Variants in DSC2 observed in about 807,000 individuals in gnomAD.
DSC2 encodes the protein desmocollin-2.
A neutral mutation model predicts 87.6 loss-of-function variants in DSC2; 51 were observed. The ratio of observed to expected loss-of-function variants is 0.58; its 90% CI spans 0.46 to 0.74. DSC2 has a LOEUF of 0.74. Ranked by LOEUF, DSC2 falls within the 30% of genes least tolerant of loss-of-function variation. DSC2 has a pLI of 0.00. For missense variants in DSC2, 1,066 were observed against 1,089.5 expected (o/e 0.98, Z 0.30); for synonymous variants, 383 against 393.2 (o/e 0.97, Z 0.31).
rs555492553 is a variant in DSC2, at chr18:31,068,030, T to C, written c.2691A>G (p.Ala897=). Residue 897 remains alanine (A), a synonymous_variant, in exon 16 of 16, where the codon GCA becomes GCG. Coordinates refer to ENST00000280904, the MANE Select transcript of DSC2 (RefSeq NM_024422.6). ...LEPKFRTLAE[A]CMKR Reference sequence around the variant, plus strand: ...TAGAACACACTCATCTCTTCATGCATGCTTCTGCTAGTGTCCTAAATTTGG... The same window carrying C: ...TAGAACACACTCATCTCTTCATGCACGCTTCTGCTAGTGTCCTAAATTTGG... The C allele has an allele frequency of 3.7e-6, 6 of 1,613,670 alleles. No homozygotes were observed. In the East Asian group the frequency reaches 8.9e-5, roughly 24 times the overall value.
chr18:31,097,627 G>A (rs559992903), intron 1 of DSC2, among the ~76,000 whole-genome samples: 4 of 151,886 alleles, frequency 2.6e-5, no homozygotes, highest in African/African-American at 9.7e-5. Context: ...AACCCTAGCA[G>A]ATATTACAAA....
chr18:31,082,865 T>C, intron 8 of DSC2, 61 bp downstream of exon 8: 3 of 1,579,736 alleles, frequency 1.9e-6, no homozygotes, highest in Non-Finnish European at 2.6e-6. Context: ...GCCAGAGATG[T>C]GCATATTAAA....
intron 1 of DSC2, among the ~76,000 whole-genome samples, chr18:31,097,935 A>T (rs937456374): frequency 6.6e-6 from 1 of 152,194 alleles, no homozygotes; most frequent in Non-Finnish European, 1.5e-5. Flanking sequence ...ATATTTTTAT[A>T]ACTTAAGAGC....
intron 7 of DSC2, among the ~76,000 whole-genome samples, chr18:31,084,357 T>C (rs1338936106): frequency 3.9e-5 from 6 of 152,284 alleles, no homozygotes; most frequent in Admixed American, 3.3e-4. Flanking sequence ...ATTTTGTTTG[T>C]AGTGAACTAA....
rs780701595 is a variant in DSC2 at position 31,059,361 on chromosome 18, G to C, written c.*8654C>G. ...ACAAATTACTGACGACAAATCCTAA[G>C]TGCGTTAAAGTAAAATTTTAAGACC... is the stretch of plus-strand genomic sequence containing the variant. On this transcript the variant is annotated 3_prime_UTR_variant, in exon 16 of 16. Transcript: ENST00000280904. 2.6e-5 allele frequency: 4 copies of C among 152,138 alleles called. No homozygotes were observed. The highest frequency in any genetic ancestry group is 5.9e-5 in the Non-Finnish European group (4 of 68,030). 9.4% of individuals were successfully genotyped at this position (152,138 alleles called of 1,614,324 possible). A position where few individuals can be genotyped will look rare whatever the true frequency, so the allele number is the denominator to read the frequency against.
In DSC2 at chr18:31,064,679, G is replaced by A. The variant is rs1986572260; in HGVS notation, c.*3336C>T. 6.6e-6 allele frequency: 1 copy of A among 152,178 alleles called. No homozygotes were observed. Among genetic ancestry groups the A allele is most frequent in the African/African-American group, 2.4e-5 (1 of 41,446 alleles). The allele number at this position is 152,178 out of a possible 1,614,324, so 9.4% of individuals were successfully genotyped here. Reference sequence around the variant, plus strand: ...TCGCAGGGGAGCTGATATAAGAGCTGTAGGTTTATACGGATATCAGGTAAC... The same window carrying A: ...TCGCAGGGGAGCTGATATAAGAGCTATAGGTTTATACGGATATCAGGTAAC... On this transcript the variant is annotated 3_prime_UTR_variant, in exon 16 of 16. Coordinates refer to ENST00000280904, the MANE Select transcript of DSC2 (RefSeq NM_024422.6).
At chr18:31,081,161 G>C (rs1030171765) in intron 9 of DSC2, among the ~76,000 whole-genome samples, 1 of 152,082 alleles carries the variant, frequency 6.6e-6, no homozygotes, top group Non-Finnish European at 1.5e-5. Flanking sequence ...ATTTGTACCT[G>C]GTATGAGGAA....
intron 15 of DSC2, 148 bp downstream of exon 15, chr18:31,068,744 CTA>C: frequency 6.3e-6 from 7 of 1,103,546 alleles, no homozygotes; most frequent in Non-Finnish European, 9.1e-6. Context: ...CTGAACATAA[CTA>C]AATTAAAATT....
chr18:31,067,951 T>C lies in DSC2; in HGVS notation c.*64A>G. The C allele has an allele frequency of 6.7e-7, 1 of 1,502,754 alleles. No individual in the cohort carries two copies. 93.1% of individuals were successfully genotyped at this position (1,502,754 alleles called of 1,614,324 possible). On this transcript the variant is annotated 3_prime_UTR_variant, in exon 16 of 16. Transcript: ENST00000280904. ...TAGCATCTTCTGCTTTAAAAAATTC[T>C]TGGTTTGTAATTTTTTTTAAAAGTC...
At position 31,058,923 on chromosome 18, in the gene DSC2, A is replaced by G. The variant is rs1369778484; in HGVS notation, c.*9092T>C. On this transcript the variant is annotated 3_prime_UTR_variant, in exon 16 of 16. Coordinates refer to ENST00000280904, the MANE Select transcript of DSC2 (RefSeq NM_024422.6). ...CTACATATTTTTGAGAGCAGAGGCC[A>G]TATCTTACATACAGTAGATACCAAA... 1 of 152,196 alleles carries G rather than the reference A, an allele frequency of 6.6e-6. No individual in the cohort carries two copies. The highest frequency in any genetic ancestry group is 1.5e-5 in the Non-Finnish European group (1 of 68,026). 9.4% of individuals were successfully genotyped at this position (152,196 alleles called of 1,614,324 possible). A position where few individuals can be genotyped will look rare whatever the true frequency, so the allele number is the denominator to read the frequency against.
intron 3 of DSC2, 60 bp downstream of exon 3, chr18:31,092,041 G>A: frequency 6.6e-7 from 1 of 1,515,376 alleles, no homozygotes; most frequent in Non-Finnish European, 9.1e-7. Flanking sequence ...ATCTTCCCTG[G>A]TAATGTTGAT....
At position 31,074,579 on chromosome 18, in the gene DSC2, G is replaced by A. The variant is rs1013062500; in HGVS notation, c.1888+104C>T. 1.5e-5 allele frequency: 16 copies of A among 1,060,542 alleles called. No homozygotes were observed. In the Admixed American group the frequency reaches 2.4e-4, roughly 16 times the overall value. The allele number at this position is 1,060,542 out of a possible 1,614,324, so 65.7% of individuals were successfully genotyped here. A position where few individuals can be genotyped will look rare whatever the true frequency, so the allele number is the denominator to read the frequency against. On this transcript the variant is annotated intron_variant, in intron 12 of 15. Transcript: ENST00000280904. ...CACAAAAACTGAGAAACTTTCATTG[G>A]TGTTTCCCACATGGTGAATTTTCTC...
rs1256970932 is a variant in DSC2, at chr18:31,061,086, G to A, written c.*6929C>T. 2.6e-5 allele frequency: 4 copies of A among 152,148 alleles called. No individual in the cohort carries two copies. The highest frequency in any genetic ancestry group is 9.7e-5 in the African/African-American group (4 of 41,436). The allele number at this position is 152,148 out of a possible 1,614,324, so 9.4% of individuals were successfully genotyped here. On this transcript the variant is annotated 3_prime_UTR_variant, in exon 16 of 16. Coordinates refer to ENST00000280904, the MANE Select transcript of DSC2 (RefSeq NM_024422.6). ...AGGCTTCTATACTTTTCCCCTACTA[G>A]CCTGTTACTCCTGTGACTGATTCAT... is the stretch of plus-strand genomic sequence containing the variant.
In DSC2 at chr18:31,092,267, A is replaced by G; in HGVS notation, c.188T>C (p.Leu63Pro). The part of the protein sequence containing the change: ...NLKECFTAAN[L>P]IHSSDPDFQI... Reference sequence around the variant, plus strand: ...GAAGTCAGGATCACTTGAATGAATTAGATTTGCAGCTGTAAAGCACTCTTT... The same window carrying G: ...GAAGTCAGGATCACTTGAATGAATTGGATTTGCAGCTGTAAAGCACTCTTT... Residue 63 changes from leucine to proline, a missense_variant, in exon 3 of 16, where the codon CTA (leucine) becomes CCA (proline). By Grantham distance (98) the Leu-to-Pro change is moderately conservative (BLOSUM62 -3). Transcript: ENST00000280904. The G allele has an allele frequency of 6.2e-7, 1 of 1,613,782 alleles. No homozygotes were observed. The highest frequency in any genetic ancestry group is 1.1e-5 in the South Asian group (1 of 91,072).
At chr18:31,068,417 A>T in intron 15 of DSC2, 1 of 1,476,952 alleles carries the variant, frequency 6.8e-7, no homozygotes, top group Non-Finnish European at 9.5e-7. Context: ...CATGTTTCTA[A>T]AAGTCACGCA....
chr18:31,071,530 C>A, intron 13 of DSC2, 75 bp downstream of exon 13: 1 of 1,409,068 alleles, frequency 7.1e-7, no homozygotes, highest in South Asian at 1.2e-5. Context: ...TGGGCTCTGT[C>A]TCAAAAAACA....
At position 31,080,346 on chromosome 18, in the gene DSC2, T is replaced by C. The variant is rs766815960; in HGVS notation, c.1270A>G (p.Asn424Asp). Residue 424 changes from asparagine (N) to aspartate (D), a missense_variant, in exon 10 of 16, where the codon AAT becomes GAT. Asn to Asp is a conservative substitution (Grantham distance 23). Coordinates refer to ENST00000280904, the MANE Select transcript of DSC2 (RefSeq NM_024422.6). Reference protein sequence around the residue: ...EGVLCVVKPLNYEEKQQMILQ... With the variant: ...EGVLCVVKPLDYEEKQQMILQ... ...ATCATCTGTTGCTTTTCTTCATAAT[T>C]CAAAGGCTACGAAAGCAAATGTATT... 6.2e-7 allele frequency: 1 copy of C among 1,613,770 alleles called. No individual in the cohort carries two copies. Among genetic ancestry groups the C allele is most frequent in the East Asian group, 2.2e-5 (1 of 44,862 alleles).
Position 31,086,712 on chromosome 18 carries a change from T to A in DSC2, c.806A>T (p.Asp269Val). 6.2e-7 allele frequency: 1 copy of A among 1,614,092 alleles called. No homozygotes were observed. Among genetic ancestry groups the A allele is most frequent in the Non-Finnish European group, 8.5e-7 (1 of 1,180,010 alleles). The change falls in exon 7 of 16, where the codon GAC (aspartate) becomes GTC (valine). Residue 269 changes from aspartate (D) to valine (V), a missense_variant. Asp to Val is a radical substitution (Grantham distance 152, BLOSUM62 -3). Coordinates refer to ENST00000280904, the MANE Select transcript of DSC2 (RefSeq NM_024422.6). Reference protein sequence around the residue: ...GTTVGQVCATDKDEPDTMHTR... With the variant: ...GTTVGQVCATVKDEPDTMHTR... ...GTGCATCGTGTCAGGCTCATCTTTG[T>A]CAGTAGCACACACTTGTCCCACAGT...
At position 31,082,463 on chromosome 18, in the gene DSC2, T is replaced by A. The variant is rs77509904; in HGVS notation, c.1078-40A>T. ...GCAAACAAAAAATTTCGTTAGTAAC[T>A]CTCACAAAAATTGAACACGATGTGA... On this transcript the variant is annotated intron_variant, in intron 8 of 15. Coordinates refer to ENST00000280904, the MANE Select transcript of DSC2 (RefSeq NM_024422.6). 3.7e-3 allele frequency: 5,800 copies of A among 1,571,330 alleles called. 12 individuals carry two copies. Among genetic ancestry groups the A allele is most frequent in the Non-Finnish European group, 4.2e-3 (4,812 of 1,146,848 alleles).
Sources: allele counts gnomAD v4.1 joint callset (sites outside exome capture counted in the v4.1 genomes callset), GRCh38; gene constraint gnomAD v4.1.1; transcripts MANE v1.5; gene names NCBI Gene and HGNC (gene_info 2026-07-23, HGNC 2026-07-21).